The following CFAP119 variants were observed in gnomAD, a reference collection of about 807,000 sequenced individuals.
CFAP119 encodes cilia- and flagella-associated protein 119.
At chr16:30,757,583 C>T in the CFAP119 span, 5 of 1,614,198 alleles carry the variant, frequency 3.1e-6, no homozygotes, top group Middle Eastern at 3.3e-4. Flanking sequence ...CGCTCCTCCA[C>T]CAGCCCCTGG....
the CFAP119 span, chr16:30,758,790 G>A: frequency 1.4e-6 from 1 of 717,268 alleles, no homozygotes; most frequent in Non-Finnish European, 2.2e-6. Flanking sequence ...CCTGAGCTCA[G>A]GCAATCCGCC....
At chr16:30,761,497 A>G in the CFAP119 span, 1 of 1,531,952 alleles carries the variant, frequency 6.5e-7, no homozygotes, top group Non-Finnish European at 8.7e-7. Flanking sequence ...CCTGCGGGGG[A>G]GCCGGTTTAT....
the CFAP119 span, chr16:30,757,897 G>A: frequency 8.7e-7 from 1 of 1,149,656 alleles, no homozygotes; most frequent in African/African-American, 1.6e-5. Flanking sequence ...ACCTTAGGCA[G>A]GTTATTTAAC....
chr16:30,759,104 G>A, the CFAP119 span: 1 of 1,614,012 alleles, frequency 6.2e-7, no homozygotes, highest in Admixed American at 1.7e-5. Flanking sequence ...TTCTTTCTCT[G>A]CAAACCAGAA....
the CFAP119 span, chr16:30,757,463 A>G: frequency 6.2e-7 from 1 of 1,608,884 alleles, no homozygotes; most frequent in Non-Finnish European, 8.5e-7. Context: ...TTTATTGGGG[A>G]AAATGTTGGG....
the CFAP119 span, chr16:30,758,702 C>T: frequency 1.4e-5 from 5 of 367,368 alleles, no homozygotes; most frequent in South Asian, 4.9e-5. Flanking sequence ...ACTACAAGCG[C>T]GCACCACCAT....
At chr16:30,760,386 G>A in the CFAP119 span, 1 of 1,614,070 alleles carries the variant, frequency 6.2e-7, no homozygotes, top group African/African-American at 1.3e-5. Context: ...TGGCAGAAGA[G>A]GTCCAGGGTG....
At chr16:30,761,539 C>A in the CFAP119 span, 1 of 1,536,164 alleles carries the variant, frequency 6.5e-7, no homozygotes. Context: ...ACTGTCCCGC[C>A]CTCACCGGAA....
At chr16:30,761,277 C>G in the CFAP119 span, 1 of 1,612,704 alleles carries the variant, frequency 6.2e-7, no homozygotes, top group Non-Finnish European at 8.5e-7. Flanking sequence ...TGTCCTGGCC[C>G]GTAGCGAATC....
the CFAP119 span, chr16:30,758,896 A>G: frequency 2.0e-6 from 3 of 1,505,132 alleles, no homozygotes; most frequent in South Asian, 1.3e-5. Context: ...ATAAGGGATC[A>G]TTTAGAGAAA....
chr16:30,761,517 C>A, the CFAP119 span: 4 of 1,535,640 alleles, frequency 2.6e-6, no homozygotes, highest in Non-Finnish European at 3.5e-6. Flanking sequence ...TAAATATTCA[C>A]GAGCAGACCA....
chr16:30,760,220 C>T, the CFAP119 span: 1 of 1,612,568 alleles, frequency 6.2e-7, no homozygotes. Flanking sequence ...TTCCCATGGT[C>T]ACTTGTGCCA....
At chr16:30,757,835 C>CT in the CFAP119 span, 1 of 1,404,708 alleles carries the variant, frequency 7.1e-7, no homozygotes. Flanking sequence ...GGTAGGGTGG[C>CT]TATGCTGGAC....
At chr16:30,760,340 A>G in the CFAP119 span, 3 of 1,614,224 alleles carry the variant, frequency 1.9e-6, no homozygotes, top group Non-Finnish European at 1.7e-6. Flanking sequence ...CGTCTGCTCC[A>G]GTGAGAAGCC....
chr16:30,760,375 G>A, the CFAP119 span: 9 of 1,614,228 alleles, frequency 5.6e-6, no homozygotes, highest in Admixed American at 3.3e-5. Flanking sequence ...AAATGAGCGC[G>A]TGGCAGAAGA....
At chr16:30,759,126 C>A in the CFAP119 span, 1 of 1,614,194 alleles carries the variant, frequency 6.2e-7, no homozygotes, top group Non-Finnish European at 8.5e-7. Context: ...CAGGAAGAGA[C>A]TGTGGCCCCA....
chr16:30,761,141 T>G, the CFAP119 span: 1 of 1,591,174 alleles, frequency 6.3e-7, no homozygotes, highest in Non-Finnish European at 8.6e-7. Flanking sequence ...ACAGGACTGT[T>G]GGGGAGACAA....
the CFAP119 span, chr16:30,759,018 C>G: frequency 6.2e-7 from 1 of 1,614,226 alleles, no homozygotes; most frequent in Admixed American, 1.7e-5. Context: ...TCACTTGGCT[C>G]TGGCTCTGGT....
chr16:30,757,435 G>A, the CFAP119 span: 2 of 1,592,272 alleles, frequency 1.3e-6, no homozygotes, highest in African/African-American at 1.3e-5. Flanking sequence ...CAGGGATGGT[G>A]CCATTCTGGC....
Sources: gnomAD v4.1 joint callset for allele counts on GRCh38, gnomAD v4.1.1 for gene constraint, MANE v1.5 for transcripts, NCBI Gene and HGNC (gene_info 2026-07-23, HGNC 2026-07-21) for gene names.